The following ATP6V1H variants were observed in gnomAD, a reference collection of about 807,000 sequenced individuals.
ATP6V1H encodes V-type proton ATPase subunit H.
A neutral mutation model predicts 71.7 loss-of-function variants in ATP6V1H; 39 were observed. That is an observed-to-expected ratio of 0.54 (90% CI 0.42 to 0.71). The LOEUF is 0.71. Among genes scored for constraint, ATP6V1H ranks in the 30% least tolerant of loss-of-function variants. ATP6V1H has a pLI of 0.00. For synonymous variants in ATP6V1H, 192 were observed against 199.3 expected (o/e 0.96, Z 0.31); for missense variants, 509 against 594.9 (o/e 0.86, Z 1.50).
intron 12 of ATP6V1H, among the ~76,000 whole-genome samples, chr8:53,745,559 A>G (rs1807570972): frequency 6.6e-6 from 1 of 152,160 alleles, no homozygotes; most frequent in South Asian, 2.1e-4. Context: ...AGCAGCCAAC[A>G]GCACCATAGC....
rs573355755 is a variant in ATP6V1H, at chr8:53,815,008, C to T, written c.421-242G>A. ...TGGGTCTTAGGAATTTCTTGACACTCCCTGTATTATTTTGAGTTTCAAAAG... is the reference window on the plus strand; with the variant it reads ...TGGGTCTTAGGAATTTCTTGACACTTCCTGTATTATTTTGAGTTTCAAAAG... On this transcript the variant is annotated intron_variant, in intron 5 of 13. Transcript: ENST00000359530. Among the ~76,000 whole-genome samples the T allele has an allele frequency of 9.6e-4, 146 of 152,240 alleles. 1 individual carries two copies. The highest frequency in any genetic ancestry group is 6.8e-3 in the Middle Eastern group (2 of 294).
intron 7 of ATP6V1H, among the ~76,000 whole-genome samples, chr8:53,805,803 T>C (rs1810059529): frequency 6.6e-6 from 1 of 152,156 alleles, no homozygotes; most frequent in Admixed American, 6.5e-5. Flanking sequence ...AAATACTACA[T>C]TGCAATGAAA....
At chr8:53,762,488 G>T (rs1224707608) in intron 11 of ATP6V1H, among the ~76,000 whole-genome samples, 1 of 152,066 alleles carries the variant, frequency 6.6e-6, no homozygotes, top group Non-Finnish European at 1.5e-5. Context: ...ATTCTAAAAT[G>T]CATACAGAAA....
At chr8:53,746,122 A>C (rs1336071574) in intron 12 of ATP6V1H, among the ~76,000 whole-genome samples, 1 of 152,208 alleles carries the variant, frequency 6.6e-6, no homozygotes, top group South Asian at 2.1e-4. Context: ...CTAAATGTTC[A>C]TATTTTTCAT....
intron 8 of ATP6V1H, among the ~76,000 whole-genome samples, chr8:53,800,960 T>C (rs1809891994): frequency 6.6e-6 from 1 of 152,190 alleles, no homozygotes; most frequent in Admixed American, 6.6e-5. Flanking sequence ...TATAGATTAA[T>C]AGAAAAATAA....
intron 13 of ATP6V1H, among the ~76,000 whole-genome samples, chr8:53,733,375 C>G (rs1340113374): frequency 6.6e-6 from 1 of 152,192 alleles, no homozygotes; most frequent in Non-Finnish European, 1.5e-5. Flanking sequence ...TTCAGGGAGG[C>G]CCTGGCTCAA....
intron 12 of ATP6V1H, among the ~76,000 whole-genome samples, chr8:53,755,756 T>G: frequency 2.5e-5 from 1 of 39,854 alleles, no homozygotes; most frequent in Non-Finnish European, 4.9e-5. Flanking sequence ...TTTTTTTTTT[T>G]TTTTTTTTTT....
At chr8:53,718,384 ATTT>A (rs35145366) in intron 13 of ATP6V1H, among the ~76,000 whole-genome samples, 42 of 121,762 alleles carry the variant, frequency 3.4e-4, no homozygotes, top group African/African-American at 9.8e-4. Context: ...CTCCTACACA[ATTT>A]TTTTTTTTTT....
chr8:53,816,993 A>G (rs1810474231), intron 5 of ATP6V1H, among the ~76,000 whole-genome samples: 1 of 152,140 alleles, frequency 6.6e-6, no homozygotes, highest in Non-Finnish European at 1.5e-5. Context: ...TGTAGTCTAC[A>G]AAACCTCAAC....
At chr8:53,720,692 A>G (rs1806582310) in intron 13 of ATP6V1H, among the ~76,000 whole-genome samples, 1 of 152,234 alleles carries the variant, frequency 6.6e-6, no homozygotes. Flanking sequence ...AACTTGACAC[A>G]TGGTAACTTC....
Position 53,715,866 on chromosome 8 carries a change from A to G in ATP6V1H, c.*98T>C. On this transcript the variant is annotated 3_prime_UTR_variant, in exon 14 of 14. Transcript: ENST00000359530. ...TGGGAAAAGCTATATAACAGAGGAA[A>G]TTCCAAGTAAAATCAAACAGTGTTC... is the stretch of plus-strand genomic sequence containing the variant. 9.6e-7 allele frequency: 1 copy of G among 1,038,136 alleles called. No individual in the cohort carries two copies. The highest frequency in any genetic ancestry group is 1.4e-6 in the Non-Finnish European group (1 of 717,282). 64.3% of individuals were successfully genotyped at this position (1,038,136 alleles called of 1,614,324 possible).
In ATP6V1H at chr8:53,786,529, C is replaced by T. The variant is rs925654384; in HGVS notation, c.870+9118G>A. ...ACCCTGCTTTGGCTCACGCACTGTG[C>T]GCTGCACACACTGTCTGGCACTCCC... On this transcript the variant is annotated intron_variant, in intron 9 of 13. Transcript: ENST00000359530. 4.6e-5 allele frequency among the ~76,000 whole-genome samples: 7 copies of T among 152,238 alleles called. No individual in the cohort carries two copies. In the South Asian group the frequency reaches 8.3e-4, roughly 18 times the overall value.
chr8:53,784,359 C>A (rs1462041573), intron 9 of ATP6V1H, among the ~76,000 whole-genome samples: 2 of 152,126 alleles, frequency 1.3e-5, no homozygotes, highest in Admixed American at 1.3e-4. Flanking sequence ...AGGATTGCAA[C>A]CCCTGCCTTT....
chr8:53,806,173 A>G (rs1261384356), intron 7 of ATP6V1H, among the ~76,000 whole-genome samples: 2 of 152,152 alleles, frequency 1.3e-5, no homozygotes. Context: ...TTTGTCACAT[A>G]ATGTTGGGCA....
At chr8:53,832,694 T>C (rs994079086) in intron 3 of ATP6V1H, 1 of 224,244 alleles carries the variant, frequency 4.5e-6, no homozygotes, top group African/African-American at 2.3e-5. Context: ...ATTTCAAACA[T>C]TACTAGTAAG....
chr8:53,751,323 A>C (rs184996616), intron 12 of ATP6V1H, among the ~76,000 whole-genome samples: 3 of 152,360 alleles, frequency 2.0e-5, no homozygotes, highest in African/African-American at 7.2e-5. Flanking sequence ...TGAACTTGGC[A>C]CTGACAAAGG....
chr8:53,770,852 A>G (rs1006651040), intron 10 of ATP6V1H, among the ~76,000 whole-genome samples: 3 of 152,252 alleles, frequency 2.0e-5, no homozygotes, highest in African/African-American at 7.2e-5. Context: ...ACATAGGAAC[A>G]GAATGTATAG....
In ATP6V1H at chr8:53,780,541, T is replaced by A. The variant is rs137911075; in HGVS notation, c.871-8374A>T. 2.3e-3 allele frequency among the ~76,000 whole-genome samples: 344 copies of A among 152,246 alleles called. 1 individual carries two copies. Among genetic ancestry groups the A allele is most frequent in the African/African-American group, 7.9e-3 (329 of 41,502 alleles). On this transcript the variant is annotated intron_variant, in intron 9 of 13. Transcript: ENST00000359530. ...ATGTTATATTTTTTTTTCTTTTTTT[T>A]AATTTTATTATTATTACACTTTAAG...
chr8:53,797,766 A>G (rs1336529149), intron 8 of ATP6V1H, among the ~76,000 whole-genome samples: 1 of 151,952 alleles, frequency 6.6e-6, no homozygotes, highest in Non-Finnish European at 1.5e-5. Context: ...TTGGGAGGCC[A>G]GGGTGGGCGG....
Sources: gnomAD v4.1 joint callset for allele counts (sites outside exome capture counted in the v4.1 genomes callset) on GRCh38, gnomAD v4.1.1 for gene constraint, MANE v1.5 for transcripts, NCBI Gene and HGNC (gene_info 2026-07-23, HGNC 2026-07-21) for gene names.